CHD9: variants seen among roughly 807,000 people sequenced by gnomAD.
CHD9 encodes the protein ATP-dependent chromatin remodeler CHD9.
In CHD9, 77 loss-of-function variants were observed where a neutral mutation model predicts 316.1. The ratio of observed to expected loss-of-function variants is 0.24; its 90% CI spans 0.20 to 0.29. The LOEUF (loss-of-function observed/expected upper bound fraction) is 0.29. Among genes scored for constraint, CHD9 ranks in the 10% least tolerant of loss-of-function variants. CHD9 has a pLI of 1.00. For missense variants in CHD9, 2,763 were observed against 3,438.1 expected (o/e 0.80, Z 4.91); for synonymous variants, 1,129 against 1,158.3 (o/e 0.97, Z 0.51).
At chr16:53,154,307 T>C (rs2041347177) in intron 1 of CHD9, among the ~76,000 whole-genome samples, 1 of 152,234 alleles carries the variant, frequency 6.6e-6, no homozygotes, top group African/African-American at 2.4e-5. Flanking sequence ...AAACATCACT[T>C]ACTATTATTA....
chr16:53,076,315 C>T (rs1282264155), intron 1 of CHD9, among the ~76,000 whole-genome samples: 1 of 152,140 alleles, frequency 6.6e-6, no homozygotes, highest in African/African-American at 2.4e-5. Flanking sequence ...TGGCTCTCGC[C>T]TGTAATCACA....
intron 2 of CHD9, among the ~76,000 whole-genome samples, chr16:53,187,964 C>G (rs1261467475): frequency 6.6e-6 from 1 of 152,140 alleles, no homozygotes; most frequent in Non-Finnish European, 1.5e-5. Context: ...TTTCACCACT[C>G]CCAAAAGAAA....
intron 24 of CHD9, among the ~76,000 whole-genome samples, chr16:53,282,148 T>C (rs1394770575): frequency 6.6e-6 from 1 of 152,132 alleles, no homozygotes; most frequent in Non-Finnish European, 1.5e-5. Context: ...TCAGTAATTT[T>C]CCCCCTTTTC....
intron 1 of CHD9, among the ~76,000 whole-genome samples, chr16:53,125,218 A>ATTTTT (rs34096444): frequency 4.8e-4 from 46 of 95,768 alleles, no homozygotes; most frequent in Non-Finnish European, 6.2e-4. Context: ...TCAAGTTAGG[A>ATTTTT]TTTTTTTTTT....
intron 10 of CHD9, among the ~76,000 whole-genome samples, chr16:53,234,758 TC>T (rs2048477211): frequency 6.6e-6 from 1 of 152,008 alleles, no homozygotes; most frequent in South Asian, 2.1e-4. Flanking sequence ...TATTTTTTAA[TC>T]TGTTGATCAG....
chr16:53,244,285 C>T (rs1421452360), intron 13 of CHD9, among the ~76,000 whole-genome samples: 1 of 151,104 alleles, frequency 6.6e-6, no homozygotes, highest in Admixed American at 6.6e-5. Context: ...CTCTGCCTCC[C>T]GGGTTCACGC....
intron 2 of CHD9, among the ~76,000 whole-genome samples, chr16:53,187,860 A>G (rs1006850743): frequency 2.6e-5 from 4 of 152,234 alleles, no homozygotes; most frequent in Admixed American, 6.5e-5. Context: ...GCTATAGTCT[A>G]CTGTTTTGAG....
intron 1 of CHD9, among the ~76,000 whole-genome samples, chr16:53,112,660 G>A (rs936184727): frequency 2.6e-5 from 4 of 152,114 alleles, no homozygotes; most frequent in African/African-American, 9.7e-5. Context: ...CAAAAGACCA[G>A]TACTTTTTAT....
chr16:53,178,569 G>T (rs1188562316), intron 2 of CHD9, among the ~76,000 whole-genome samples: 6 of 151,468 alleles, frequency 4.0e-5, no homozygotes, highest in Non-Finnish European at 8.8e-5. Context: ...TCCTGCCTCA[G>T]CCTCCCATGT....
intron 18 of CHD9, 132 bp downstream of exon 18, chr16:53,254,737 C>T (rs763349106): frequency 7.1e-5 from 47 of 657,626 alleles, no homozygotes; most frequent in Non-Finnish European, 1.1e-4. Flanking sequence ...GGAACATTTT[C>T]AGGACAGAGC....
At chr16:53,313,512 G>T (rs2056639887) in intron 34 of CHD9, among the ~76,000 whole-genome samples, 1 of 152,018 alleles carries the variant, frequency 6.6e-6, no homozygotes, top group African/African-American at 2.4e-5. Flanking sequence ...TGCCATGTTG[G>T]CCAGGCTGGT....
At chr16:53,075,107 G>A (rs769036188) in intron 1 of CHD9, among the ~76,000 whole-genome samples, 2 of 152,186 alleles carry the variant, frequency 1.3e-5, no homozygotes, top group African/African-American at 2.4e-5. Context: ...GGAGTCAAAG[G>A]AGATCATTTT....
intron 1 of CHD9, among the ~76,000 whole-genome samples, chr16:53,112,459 ATC>A (rs2037938193): frequency 6.6e-6 from 1 of 152,134 alleles, no homozygotes; most frequent in African/African-American, 2.4e-5. Context: ...CTGTTTGTTG[ATC>A]TACCTGTTGT....
intron 1 of CHD9, among the ~76,000 whole-genome samples, chr16:53,066,365 C>G (rs1455920504): frequency 6.6e-6 from 1 of 152,156 alleles, no homozygotes; most frequent in East Asian, 1.9e-4. Context: ...TTATGCTTAA[C>G]TAAAGAGTTA....
At position 53,189,256 on chromosome 16, in the gene CHD9, A is replaced by G. The variant is rs113343620; in HGVS notation, c.1453-20226A>G. Among the ~76,000 whole-genome samples, 1,163 of 152,232 alleles carry G rather than the reference A, an allele frequency of 7.6e-3. 10 individuals are homozygous for G. Among genetic ancestry groups the G allele is most frequent in the Non-Finnish European group, 0.011 (744 of 68,014 alleles). ...CTTGTTCATGATCTTAGGGAAAAGC[A>G]TTCAGTCTTTCACCATTAAGTACTG... On this transcript the variant is annotated intron_variant, in intron 2 of 38. Coordinates refer to ENST00000447540, the MANE Select transcript of CHD9 (RefSeq NM_001308319.2).
intron 10 of CHD9, among the ~76,000 whole-genome samples, chr16:53,234,267 A>G (rs1445159892): frequency 1.3e-5 from 2 of 152,178 alleles, no homozygotes; most frequent in African/African-American, 2.4e-5. Context: ...GATTTTCTAC[A>G]TAGACAAATC....
Position 53,324,291 on chromosome 16 carries a change from G to A in CHD9, c.8090G>A (p.Gly2697Asp). The change falls in exon 39 of 39, where the codon GGC becomes GAC. Residue 2697 changes from glycine (G) to aspartate (D), a missense_variant. Gly to Asp is a moderately conservative substitution (Grantham distance 94). Around this residue, in one of 15 missense-constraint regions of CHD9, gnomAD observed 298 missense variants for 380.2 expected, o/e 0.78. Transcript: ENST00000447540. Reference protein sequence around the residue: ...VTAGLMGMPTGLPSGGEAKNM... With the variant: ...VTAGLMGMPTDLPSGGEAKNM... ...GCTGGGTTGATGGGAATGCCTACCG[G>A]CCTTCCTTCTGGAGGAGAAGCTAAA... The A allele has an allele frequency of 6.2e-7, 1 of 1,613,988 alleles. No individual in the cohort carries two copies. The highest frequency in any genetic ancestry group is 8.5e-7 in the Non-Finnish European group (1 of 1,179,878).
intron 2 of CHD9, among the ~76,000 whole-genome samples, chr16:53,183,113 CATTA>C (rs1483658810): frequency 6.6e-6 from 1 of 152,166 alleles, no homozygotes; most frequent in Non-Finnish European, 1.5e-5. Flanking sequence ...CTTGAATCAA[CATTA>C]ATTTATATGT....
At chr16:53,104,784 C>T (rs1428121086) in intron 1 of CHD9, among the ~76,000 whole-genome samples, 1 of 150,502 alleles carries the variant, frequency 6.6e-6, no homozygotes, top group Non-Finnish European at 1.5e-5. Flanking sequence ...TGCACTCCAG[C>T]CCGGGTGACA....
Sources: gnomAD v4.1 joint callset for allele counts (sites outside exome capture counted in the v4.1 genomes callset) on GRCh38, gnomAD v4.1.1 for gene constraint, gnomAD v4.1.1 regional missense constraint, MANE v1.5 for transcripts, NCBI Gene and HGNC (gene_info 2026-07-23, HGNC 2026-07-21) for gene names.